Variants in SEPTIN10 observed in about 807,000 individuals in gnomAD.
The protein encoded by SEPTIN10 is septin-10.
SEPTIN10 carries 66 observed loss-of-function variants against 54.8 expected under a neutral mutation model. The ratio of observed to expected loss-of-function variants is 1.21; its 90% CI spans 0.99 to 1.48. The LOEUF is 1.48. Ranked by LOEUF, SEPTIN10 falls within the 40% of genes most tolerant of loss-of-function variation. The probability of loss-of-function intolerance (pLI) is 0.00; values close to 1 mark genes in which losing one functional copy is unlikely to be tolerated. For synonymous variants in SEPTIN10, 161 were observed against 181.0 expected, an observed-to-expected ratio of 0.89 and a Z score of 0.89; for missense variants, 620 against 545.6, an observed-to-expected ratio of 1.14 and a Z score of -1.36.
At chr2:109,609,426 T>C (rs1302492336) in intron 1 of SEPTIN10, among the ~76,000 whole-genome samples, 2 of 151,654 alleles carry the variant, frequency 1.3e-5, no homozygotes, top group African/African-American at 2.4e-5. Context: ...AGGTTAACAA[T>C]ACAAAAACAT....
rs183124911 is a variant in SEPTIN10 at position 109,583,698 on chromosome 2, C to T, written c.413+1428G>A. ...AGACACATGTACTCATATGTTTCAT[C>T]ATAGCTCTATTCACAATAGCAAAGA... On this transcript the variant is annotated intron_variant, in intron 4 of 10. Transcript: ENST00000397712. Among the ~76,000 whole-genome samples the T allele has an allele frequency of 7.2e-5, 11 of 152,226 alleles. No individual in the cohort carries two copies. The East Asian group carries it at 1.9e-3, about 27-fold the overall frequency.
chr2:109,563,653 A>G (rs56364682), intron 8 of SEPTIN10, among the ~76,000 whole-genome samples: 69,020 of 151,984 alleles, frequency 0.45, 16,118 homozygotes, highest in African/African-American at 0.55. Context: ...TGAGCAAGGA[A>G]GGGTTCAGAT....
intron 1 of SEPTIN10, chr2:109,594,914 G>C (rs1003700033): frequency 6.6e-6 from 1 of 151,480 alleles, no homozygotes; most frequent in African/African-American, 2.4e-5. Flanking sequence ...TTGAGACAGA[G>C]TCTCACTCCG....
At chr2:109,613,715 C>G in intron 1 of SEPTIN10, 83 bp downstream of exon 1, 1 of 940,136 alleles carries the variant, frequency 1.1e-6, no homozygotes. Flanking sequence ...CGGGCCGGAC[C>G]AGGGGGCCGG....
intron 1 of SEPTIN10, among the ~76,000 whole-genome samples, chr2:109,610,095 G>GTTTTTTTTTTTTTTTTTTTTTTTTTTTT (rs554268137): frequency 4.8e-4 from 69 of 143,428 alleles, no homozygotes; most frequent in African/African-American, 1.7e-3. Context: ...TCCCTGAGGT[G>GTTTTTTTTTTTTTTTTTTTTTTTTTTTT]TTTTTTTTTT....
At chr2:109,603,865 CTAAT>C (rs1249086876) in intron 1 of SEPTIN10, among the ~76,000 whole-genome samples, 2 of 151,928 alleles carry the variant, frequency 1.3e-5, no homozygotes, top group Admixed American at 6.6e-5. Flanking sequence ...GAAACCGTCT[CTAAT>C]TAAAATTTTA....
chr2:109,567,052 T>G (rs930504627), intron 6 of SEPTIN10, among the ~76,000 whole-genome samples: 1 of 152,068 alleles, frequency 6.6e-6, no homozygotes, highest in African/African-American at 2.4e-5. Flanking sequence ...TACACTAATA[T>G]AAAAGTGGTA....
chr2:109,545,324 T>A, intron 10 of SEPTIN10: 1 of 1,481,826 alleles, frequency 6.7e-7, no homozygotes, highest in Non-Finnish European at 8.9e-7. Flanking sequence ...CAGAAGGAAA[T>A]TATCAAAAAG....
At chr2:109,564,299 G>GAT in intron 8 of SEPTIN10, 67 bp downstream of exon 8, 1 of 1,358,148 alleles carries the variant, frequency 7.4e-7, no homozygotes, top group Non-Finnish European at 9.7e-7. Flanking sequence ...CATCATCCTG[G>GAT]ATATATAAAA....
At position 109,543,925 on chromosome 2, in the gene SEPTIN10, T is replaced by A; in HGVS notation, c.*384A>T. ...ACATAATTCATGTTTCACATCCACC[T>A]TATACATATAGCCTGAAAGTAATTT... On this transcript the variant is annotated 3_prime_UTR_variant, in exon 11 of 11. Transcript: ENST00000397712. 1.9e-6 allele frequency: 1 copy of A among 530,532 alleles called. No individual in the cohort carries two copies. Among genetic ancestry groups the A allele is most frequent in the South Asian group, 2.4e-5 (1 of 42,324 alleles). 32.9% of individuals were successfully genotyped at this position (530,532 alleles called of 1,614,324 possible).
At chr2:109,545,609 GA>G (rs1680989688) in intron 10 of SEPTIN10, 1 of 1,530,700 alleles carries the variant, frequency 6.5e-7, no homozygotes, top group South Asian at 1.2e-5. Context: ...CTGAACCTAA[GA>G]ATTAATTCAA....
intron 1 of SEPTIN10, among the ~76,000 whole-genome samples, chr2:109,598,314 C>A (rs1453951975): frequency 2.0e-5 from 3 of 152,002 alleles, no homozygotes; most frequent in Non-Finnish European, 4.4e-5. Flanking sequence ...GTGATCCGCC[C>A]ACCTCAGCCT....
At chr2:109,576,269 A>AAT (rs371279599) in intron 4 of SEPTIN10, among the ~76,000 whole-genome samples, 1,556 of 150,832 alleles carry the variant, frequency 0.01, 24 homozygotes, top group African/African-American at 0.035. Flanking sequence ...AAATGAATTA[A>AAT]ATATATATAT....
intron 9 of SEPTIN10, among the ~76,000 whole-genome samples, chr2:109,551,410 G>T (rs919152729): frequency 2.0e-4 from 30 of 152,144 alleles, no homozygotes; most frequent in Admixed American, 1.9e-3. Context: ...TTGAATAAAA[G>T]AAACTAAACA....
chr2:109,550,147 G>A (rs992594200), intron 9 of SEPTIN10, among the ~76,000 whole-genome samples: 4 of 151,632 alleles, frequency 2.6e-5, no homozygotes, highest in African/African-American at 7.3e-5. Flanking sequence ...AAAATTAGCT[G>A]GGCATGGTGG....
At chr2:109,611,145 T>G (rs1379888959) in intron 1 of SEPTIN10, among the ~76,000 whole-genome samples, 1 of 152,166 alleles carries the variant, frequency 6.6e-6, no homozygotes, top group Non-Finnish European at 1.5e-5. Flanking sequence ...GGCCAAAAAA[T>G]GGCCCTCAAC....
intron 4 of SEPTIN10, among the ~76,000 whole-genome samples, chr2:109,582,797 CCAAGACAGCATGGTTGTGGTATAAAAA>C (rs1323383092): frequency 3.9e-5 from 6 of 152,224 alleles, no homozygotes; most frequent in African/African-American, 1.4e-4. Flanking sequence ...GCTACAGTAA[CCAAGACAGCATGGTTGTGGTATAAAAA>C]CAGACAAATA....
chr2:109,585,386 T>A, intron 3 of SEPTIN10, 65 bp from the exon 4 acceptor site: 1 of 1,328,938 alleles, frequency 7.5e-7, no homozygotes, highest in East Asian at 2.3e-5. Context: ...CAACTGTAAA[T>A]GCCTAGAGTG....
chr2:109,564,271 T>TCTTTTG, intron 8 of SEPTIN10, 95 bp downstream of exon 8: 1 of 1,161,430 alleles, frequency 8.6e-7, no homozygotes, highest in Non-Finnish European at 1.1e-6. Context: ...TTTGGGAGAT[T>TCTTTTG]CTAAAGAACA....
Sources: allele counts gnomAD v4.1 joint callset (sites outside exome capture counted in the v4.1 genomes callset), GRCh38; gene constraint gnomAD v4.1.1; transcripts MANE v1.5; gene names NCBI Gene and HGNC (gene_info 2026-07-23, HGNC 2026-07-21).